TTLL4: variants seen among roughly 807,000 people sequenced by gnomAD.
TTLL4 encodes tubulin monoglutamylase TTLL4.
A neutral mutation model predicts 122.7 loss-of-function variants in TTLL4; 85 were observed. The ratio of observed to expected loss-of-function variants is 0.69; its 90% CI spans 0.58 to 0.83. The LOEUF (loss-of-function observed/expected upper bound fraction) is 0.83, where lower values mean the gene tolerates loss of function less well. TTLL4 is among the 40% of genes least tolerant of loss of function. The pLI, the probability that TTLL4 is intolerant of heterozygous loss-of-function variation, is 0.00. For missense variants in TTLL4, 1,363 were observed against 1,488.6 expected (o/e 0.92, Z 1.39); for synonymous variants, 553 against 563.0 (o/e 0.98, Z 0.25).
chr2:218,738,566 C>G lies in TTLL4; in HGVS notation c.890C>G (p.Thr297Ser), dbSNP rs992240454. Residue 297 changes from threonine to serine, a missense_variant, in exon 3 of 20, where the codon ACC (threonine) becomes AGC (serine). This residue lies in a region of TTLL4 where 760 missense variants were observed against 808.4 expected (regional missense o/e 0.94). Transcript: ENST00000392102. ...ACCGCTAGCTCCCACGACACATCCA[C>G]CACCAGTGTTGCCTCTTCCTGGTAT... Reference protein sequence around the residue: ...LSTASSHDTSTTSVASSWYNR... With the variant: ...LSTASSHDTSSTSVASSWYNR... 1.2e-6 allele frequency: 2 copies of G among 1,614,070 alleles called. No individual in the cohort carries two copies. Among genetic ancestry groups the G allele is most frequent in the African/African-American group, 2.7e-5 (2 of 74,930 alleles).
chr2:218,728,941 T>TG (rs1942272946), intron 2 of TTLL4, among the ~76,000 whole-genome samples: 1 of 98,310 alleles, frequency 1.0e-5, no homozygotes, highest in Admixed American at 9.7e-5. Flanking sequence ...TTTTTTTTTT[T>TG]GGCGGGGGGG....
intron 12 of TTLL4, 192 bp downstream of exon 12, chr2:218,748,419 C>T: frequency 1.2e-6 from 1 of 868,116 alleles, no homozygotes; most frequent in Non-Finnish European, 1.7e-6. Context: ...CTTTGGGAGG[C>T]CAAGGTGGGT....
intron 6 of TTLL4, 34 bp from the exon 7 acceptor site, chr2:218,745,657 T>C: frequency 1.4e-6 from 2 of 1,393,192 alleles, no homozygotes; most frequent in Non-Finnish European, 2.0e-6. Context: ...CTCCTCTCCA[T>C]CCCCCATCCC....
At chr2:218,758,463 G>A (rs1445092511), downstream of TTLL4, among the ~76,000 whole-genome samples, 1 of 152,014 alleles carries the variant, frequency 6.6e-6, no homozygotes, top group Admixed American at 6.6e-5. Flanking sequence ...AACATATAAA[G>A]TAAAAGCACT....
At chr2:218,719,849 C>T (rs905853129) in intron 1 of TTLL4, among the ~76,000 whole-genome samples, 1 of 152,194 alleles carries the variant, frequency 6.6e-6, no homozygotes, top group East Asian at 1.9e-4. Flanking sequence ...TGGAGGTTGC[C>T]TGCAGGGTGG....
At chr2:218,714,432 A>T (rs1008801485) in intron 1 of TTLL4, among the ~76,000 whole-genome samples, 1 of 152,196 alleles carries the variant, frequency 6.6e-6, no homozygotes, top group African/African-American at 2.4e-5. Context: ...ATAGTGTCTG[A>T]ATTTTAGCCT....
intron 2 of TTLL4, among the ~76,000 whole-genome samples, chr2:218,730,314 A>AAAAAAAAAAAAAG: frequency 3.8e-5 from 1 of 26,532 alleles, no homozygotes; most frequent in Non-Finnish European, 7.2e-5. Flanking sequence ...AAAAATCCAA[A>AAAAAAAAAAAAAG]AAAAAAAAAA....
intron 16 of TTLL4, among the ~76,000 whole-genome samples, chr2:218,752,256 C>G (rs1422254709): frequency 6.6e-6 from 1 of 152,142 alleles, no homozygotes; most frequent in Non-Finnish European, 1.5e-5. Flanking sequence ...GGCCTGTGAT[C>G]CTCTGATGCA....
chr2:218,740,016 T>A, intron 3 of TTLL4, 42 bp from the exon 4 acceptor site: 2 of 1,576,784 alleles, frequency 1.3e-6, no homozygotes, highest in Non-Finnish European at 1.7e-6. Context: ...GTGACCTCTT[T>A]GATGGAGTTG....
At chr2:218,714,158 C>G (rs989952797) in intron 1 of TTLL4, among the ~76,000 whole-genome samples, 8 of 152,150 alleles carry the variant, frequency 5.3e-5, no homozygotes, top group Admixed American at 3.9e-4. Flanking sequence ...GTTGAGTGCT[C>G]ACTGTGTGCC....
At chr2:218,712,828 T>C (rs1008417842) in intron 1 of TTLL4, among the ~76,000 whole-genome samples, 56 of 152,286 alleles carry the variant, frequency 3.7e-4, no homozygotes, top group African/African-American at 1.3e-3. Flanking sequence ...AAGGACTACT[T>C]TGGAAATATT....
chr2:218,726,747 G>T (rs538159042), intron 1 of TTLL4, among the ~76,000 whole-genome samples: 21 of 151,934 alleles, frequency 1.4e-4, no homozygotes, highest in African/African-American at 5.1e-4. Context: ...GATTATAGGC[G>T]TGAGCCACCA....
At chr2:218,752,691 C>T (rs186417526) in intron 16 of TTLL4, 72 bp from the exon 17 acceptor site, 1 of 1,556,284 alleles carries the variant, frequency 6.4e-7, no homozygotes, top group African/African-American at 1.4e-5. Context: ...TCCCTGTTCC[C>T]CAGCTTCTTG....
rs1942977620 is a variant in TTLL4, at chr2:218,750,153, C to T, written c.2873+7C>T. On this transcript the variant is annotated splice_region_variant and intron_variant, in intron 15 of 19. Transcript: ENST00000392102. Reference sequence around the variant, plus strand: ...GCAGCAGCTCCACCACCAGGTGAGGCCCCTATTTCTTCACAGCTCTGCTGG... The same window carrying T: ...GCAGCAGCTCCACCACCAGGTGAGGTCCCTATTTCTTCACAGCTCTGCTGG... The T allele has an allele frequency of 1.9e-6, 3 of 1,613,134 alleles. No individual in the cohort carries two copies. Among genetic ancestry groups the T allele is most frequent in the Non-Finnish European group, 2.5e-6 (3 of 1,179,632 alleles).
intron 3 of TTLL4, among the ~76,000 whole-genome samples, chr2:218,739,518 A>G (rs138766063): frequency 0.01 from 1,596 of 152,344 alleles, 20 homozygotes; most frequent in Admixed American, 0.017. Context: ...GCCAACCCCT[A>G]TTTTAAGTAA....
At position 218,752,774 on chromosome 2, in the gene TTLL4, A is replaced by T. The variant is rs1275539169; in HGVS notation, c.2988A>T (p.Ala996=). The T allele has an allele frequency of 6.2e-7, 1 of 1,614,064 alleles. No homozygotes were observed. ...TQKIPDQDFY[A]SVLDVLTPDD... is the part of the protein sequence containing the mutation. ...TCCTTGGACCACAGGACTTCTATGC[A>T]TCTGTGCTGGATGTCCTGACACCAG... Residue 996 remains alanine (A), a synonymous_variant, in exon 17 of 20, where the codon GCA becomes GCT. Transcript: ENST00000392102.
chr2:218,733,266 A>T (rs1298210114), intron 2 of TTLL4, among the ~76,000 whole-genome samples: 1 of 152,292 alleles, frequency 6.6e-6, no homozygotes, highest in African/African-American at 2.4e-5. Context: ...TGGGTGATTT[A>T]TAAAGAAAAG....
rs1399682925 is a variant in TTLL4, at chr2:218,745,683, C to T, written c.1787-8C>T. 6.3e-7 allele frequency: 1 copy of T among 1,583,148 alleles called. No individual in the cohort carries two copies. The highest frequency in any genetic ancestry group is 8.6e-7 in the Non-Finnish European group (1 of 1,156,584). On this transcript the variant is annotated splice_polypyrimidine_tract_variant and splice_region_variant and intron_variant, in intron 6 of 19. Transcript: ENST00000392102. ...CCCCCATCCCCACACCCCTTGCATTCTTCCCAGTGGAGAAACTTCCCTGGG... is the reference window on the plus strand; with the variant it reads ...CCCCCATCCCCACACCCCTTGCATTTTTCCCAGTGGAGAAACTTCCCTGGG...
At chr2:218,725,708 A>G (rs1358337422) in intron 1 of TTLL4, among the ~76,000 whole-genome samples, 2 of 151,950 alleles carry the variant, frequency 1.3e-5, no homozygotes, top group Admixed American at 1.3e-4. Flanking sequence ...GGCACATGCC[A>G]CCACACCTGG....
Sources: gnomAD v4.1 joint callset for allele counts (sites outside exome capture counted in the v4.1 genomes callset) on GRCh38, gnomAD v4.1.1 for gene constraint, gnomAD v4.1.1 regional missense constraint, MANE v1.5 for transcripts, NCBI Gene and HGNC (gene_info 2026-07-23, HGNC 2026-07-21) for gene names.